Variants in SYNE2 observed in about 807,000 individuals in gnomAD.
The protein encoded by SYNE2 is nesprin-2.
Under a neutral mutation model 856.3 loss-of-function variants are expected in SYNE2, and 431 were observed. The observed-to-expected ratio is 0.50, with a 90% CI of 0.47 to 0.55. SYNE2 has a LOEUF of 0.55. Ranked by LOEUF, SYNE2 falls within the 20% of genes least tolerant of loss-of-function variation. The pLI, the probability that SYNE2 is intolerant of heterozygous loss-of-function variation, is 0.00. For synonymous variants in SYNE2, 2,923 were observed against 2,872.3 expected, an observed-to-expected ratio of 1.02 and a Z score of -0.56; for missense variants, 8,129 against 8,023.2, an observed-to-expected ratio of 1.01 and a Z score of -0.50.
intron 1 of SYNE2, among the ~76,000 whole-genome samples, chr14:63,876,988 T>C (rs964265485): frequency 6.6e-6 from 1 of 152,156 alleles, no homozygotes; most frequent in Non-Finnish European, 1.5e-5. Context: ...AATAGACCAA[T>C]TGAGACTAAA....
chr14:64,198,646 T>C, intron 99 of SYNE2, among the ~76,000 whole-genome samples: 1 of 151,996 alleles, frequency 6.6e-6, no homozygotes, highest in Admixed American at 6.6e-5. Context: ...CTTCCCCCCC[T>C]CTTTAACTTG....
chr14:63,915,185 A>G (rs889702359), intron 2 of SYNE2, among the ~76,000 whole-genome samples: 12 of 152,234 alleles, frequency 7.9e-5, no homozygotes, highest in Non-Finnish European at 1.6e-4. Flanking sequence ...AAGGTACTTT[A>G]CAAAGAAACT....
intron 85 of SYNE2, among the ~76,000 whole-genome samples, chr14:64,157,216 A>T (rs1490535987): frequency 6.6e-6 from 1 of 152,158 alleles, no homozygotes; most frequent in African/African-American, 2.4e-5. Context: ...ATTACCTCAA[A>T]AAGAAACCTC....
chr14:64,147,398 A>G (rs2098197075), intron 84 of SYNE2, among the ~76,000 whole-genome samples: 1 of 152,208 alleles, frequency 6.6e-6, no homozygotes, highest in African/African-American at 2.4e-5. Context: ...AAAATCCTCC[A>G]GTGGCTCCAG....
At chr14:64,205,792 A>C (rs1036003401) in intron 100 of SYNE2, among the ~76,000 whole-genome samples, 1 of 152,194 alleles carries the variant, frequency 6.6e-6, no homozygotes, top group African/African-American at 2.4e-5. Flanking sequence ...TGAATCTTTA[A>C]GATCCCTGTC....
At chr14:63,874,010 T>C (rs1219554767) in intron 1 of SYNE2, 2 of 152,288 alleles carry the variant, frequency 1.3e-5, no homozygotes, top group Non-Finnish European at 2.9e-5. Flanking sequence ...TGGAAGGTTA[T>C]TGTTTTCAAG....
intron 1 of SYNE2, among the ~76,000 whole-genome samples, chr14:63,863,854 C>T (rs1041011965): frequency 1.3e-5 from 2 of 151,972 alleles, no homozygotes; most frequent in Non-Finnish European, 2.9e-5. Flanking sequence ...GATGGAGTTT[C>T]GCCCTTGTTG....
At chr14:63,974,886 GTGTGTGTATATATATATA>G (rs1170542070) in intron 11 of SYNE2, among the ~76,000 whole-genome samples, 1 of 26,292 alleles carries the variant, frequency 3.8e-5, no homozygotes, top group Admixed American at 4.4e-4. Context: ...GTGTGTGTGT[GTGTGTGTATATATATATA>G]TATATATATA....
chr14:63,942,084 A>G lies in SYNE2; in HGVS notation c.349A>G (p.Ile117Val). 1 of 1,611,978 alleles carries G rather than the reference A, an allele frequency of 6.2e-7. No individual in the cohort carries two copies. The highest frequency in any genetic ancestry group is 8.5e-7 in the Non-Finnish European group (1 of 1,178,606). The change falls in exon 6 of 116, where the codon ATT becomes GTT. Residue 117 changes from isoleucine to valine, a missense_variant. By Grantham distance (29) the Ile-to-Val change is conservative. Transcript: ENST00000555002. Reference protein sequence around the residue: ...KLINIHVTDIIDGNPSIILGL... With the variant: ...KLINIHVTDIVDGNPSIILGL... ...AATAAATATTCATGTTACTGATATC[A>G]TTGATGGAAACCCATCCATTATCCT...
chr14:64,192,328 A>G (rs774986735), intron 99 of SYNE2, among the ~76,000 whole-genome samples: 60 of 152,180 alleles, frequency 3.9e-4, no homozygotes, highest in Non-Finnish European at 8.7e-4. Context: ...GTATGATGGC[A>G]TCAAACCCAT....
intron 110 of SYNE2, 61 bp from the exon 111 acceptor site, chr14:64,220,376 A>G: frequency 6.3e-7 from 1 of 1,591,920 alleles, no homozygotes; most frequent in Non-Finnish European, 8.6e-7. Context: ...ACTGAGGTTC[A>G]AAATGAGCCC....
chr14:64,146,528 C>T (rs912313892), intron 84 of SYNE2, among the ~76,000 whole-genome samples: 2 of 152,154 alleles, frequency 1.3e-5, no homozygotes, highest in Admixed American at 6.5e-5. Flanking sequence ...TCCAATTTTC[C>T]ATTTGTTTAA....
intron 1 of SYNE2, among the ~76,000 whole-genome samples, chr14:63,862,434 CTG>C: frequency 6.6e-6 from 1 of 152,180 alleles, no homozygotes; most frequent in Admixed American, 6.5e-5. Context: ...CGAGATCTCA[CTG>C]TGTTGCCCAG....
chr14:64,092,967 C>A (rs531263792), intron 60 of SYNE2, among the ~76,000 whole-genome samples: 2 of 151,358 alleles, frequency 1.3e-5, no homozygotes, highest in African/African-American at 4.9e-5. Flanking sequence ...CCCGCTCCCC[C>A]GGCCATGGAA....
chr14:64,049,235 G>A (rs1230242012), intron 46 of SYNE2: 1 of 153,402 alleles, frequency 6.5e-6, no homozygotes, highest in Non-Finnish European at 1.4e-5. Flanking sequence ...TTTGAGGCCA[G>A]GAGTTCAAGA....
chr14:64,101,260 G>T (rs1680425834), intron 63 of SYNE2, among the ~76,000 whole-genome samples: 1 of 151,962 alleles, frequency 6.6e-6, no homozygotes, highest in South Asian at 2.1e-4. Flanking sequence ...CAGGGGTTCT[G>T]TTGTCTCCAC....
chr14:64,153,227 A>G (rs151013787), intron 85 of SYNE2, among the ~76,000 whole-genome samples: 134 of 152,320 alleles, frequency 8.8e-4, no homozygotes, highest in Non-Finnish European at 1.5e-3. Context: ...CAAGACATCT[A>G]ATAATCTTAC....
At chr14:64,109,004 TG>T (rs749364108) in intron 65 of SYNE2, among the ~76,000 whole-genome samples, 2 of 152,002 alleles carry the variant, frequency 1.3e-5, no homozygotes, top group Non-Finnish European at 2.9e-5. Context: ...GCCTCCCGGA[TG>T]GCTAGGACCA....
chr14:63,771,896 C>CAAAAAAAAAAAAAAAAAAAAAA lies in SYNE2; in HGVS notation c.-305+9915_-305+9916insAAAAAAAAAAAAAAAAAAAAAA, dbSNP rs59481661. On this transcript the variant is annotated intron_variant, in intron 1 of 23. Coordinates refer to the SYNE2 transcript ENST00000674003. ...TGGGCGATAGAGTGAGACTCTGTCT[C>CAAAAAAAAAAAAAAAAAAAAAA]AAAAAGCAAAAACAAAAACAAAAAC... Among the ~76,000 whole-genome samples the CAAAAAAAAAAAAAAAAAAAAAA allele has an allele frequency of 2.0e-5, 3 of 148,032 alleles. 1 individual carries two copies. The highest frequency in any genetic ancestry group is 8.0e-5 in the African/African-American group (3 of 37,678).
Sources: gnomAD v4.1 joint callset for allele counts (sites outside exome capture counted in the v4.1 genomes callset) on GRCh38, gnomAD v4.1.1 for gene constraint, MANE v1.5 for transcripts, NCBI Gene and HGNC (gene_info 2026-07-23, HGNC 2026-07-21) for gene names.